The following LRP1B variants were observed in gnomAD, a reference collection of about 807,000 sequenced individuals.
The protein encoded by LRP1B is LDL receptor related protein 1B.
A neutral mutation model predicts 556.6 loss-of-function variants in LRP1B; 217 were observed. The ratio of observed to expected loss-of-function variants is 0.39; its 90% CI spans 0.35 to 0.44. The LOEUF is 0.44. Ranked by LOEUF, LRP1B falls within the 20% of genes least tolerant of loss-of-function variation. The pLI is 1.00. For missense variants in LRP1B, 5,053 were observed against 5,620.8 expected (o/e 0.90, Z 3.23); for synonymous variants, 2,047 against 1,865.8 (o/e 1.10, Z -2.50).
At chr2:140,342,447 T>G (rs1681443715) in intron 77 of LRP1B, among the ~76,000 whole-genome samples, 1 of 151,530 alleles carries the variant, frequency 6.6e-6, no homozygotes, top group African/African-American at 2.4e-5. Context: ...AATCTAGAAA[T>G]GCAATGCAAC....
At chr2:140,489,096 G>A (rs1004403983) in intron 57 of LRP1B, among the ~76,000 whole-genome samples, 3 of 151,996 alleles carry the variant, frequency 2.0e-5, no homozygotes, top group Admixed American at 6.6e-5. Context: ...GGTGTCCTAT[G>A]TATAGCAGCA....
chr2:140,266,317 C>T (rs13004107), intron 86 of LRP1B, among the ~76,000 whole-genome samples: 54,675 of 151,838 alleles, frequency 0.36, 11,394 homozygotes, highest in Non-Finnish European at 0.49. Flanking sequence ...CACTTGTCCT[C>T]TTTGAACTGT....
intron 66 of LRP1B, among the ~76,000 whole-genome samples, chr2:140,435,172 G>A (rs1239269968): frequency 6.6e-6 from 1 of 152,050 alleles, no homozygotes; most frequent in Non-Finnish European, 1.5e-5. Flanking sequence ...CTAAAACAAA[G>A]ACAAATATTT....
intron 1 of LRP1B, among the ~76,000 whole-genome samples, chr2:141,832,935 A>G (rs1295855801): frequency 6.6e-6 from 1 of 151,806 alleles, no homozygotes; most frequent in Admixed American, 6.6e-5. Flanking sequence ...TCATTATTTC[A>G]AAGTTCTACC....
chr2:140,984,459 T>G (rs556018984), intron 17 of LRP1B, among the ~76,000 whole-genome samples: 1 of 152,256 alleles, frequency 6.6e-6, no homozygotes, highest in South Asian at 2.1e-4. Context: ...AAGAATATAT[T>G]AAATTTATCA....
intron 2 of LRP1B, among the ~76,000 whole-genome samples, chr2:141,528,599 A>G (rs964774353): frequency 6.6e-6 from 1 of 152,138 alleles, no homozygotes; most frequent in African/African-American, 2.4e-5. Flanking sequence ...GTACACACAA[A>G]TATTTCAATA....
intron 84 of LRP1B, among the ~76,000 whole-genome samples, chr2:140,295,077 C>T (rs567602753): frequency 2.0e-4 from 31 of 151,780 alleles, no homozygotes; most frequent in South Asian, 8.4e-4. Context: ...GGCGTTTCAC[C>T]GTCTCTAGAC....
chr2:140,495,993 G>T (rs897591321), intron 55 of LRP1B, among the ~76,000 whole-genome samples: 3 of 152,130 alleles, frequency 2.0e-5, no homozygotes, highest in Non-Finnish European at 4.4e-5. Flanking sequence ...AATTGACATT[G>T]CTAAGGCCGT....
chr2:140,364,652 A>G lies in LRP1B; in HGVS notation c.11131+9T>C. 1 of 1,608,450 alleles carries G rather than the reference A, an allele frequency of 6.2e-7. No homozygotes were observed. Among genetic ancestry groups the G allele is most frequent in the Non-Finnish European group, 8.5e-7 (1 of 1,176,764 alleles). On this transcript the variant is annotated intron_variant, in intron 72 of 90. Transcript: ENST00000389484. Reference sequence around the variant, plus strand: ...AAAGTATAATCTAGAGCCACGTGAAATGCCATACCACACATATCAGGGGCT... The same window carrying G: ...AAAGTATAATCTAGAGCCACGTGAAGTGCCATACCACACATATCAGGGGCT...
At chr2:140,504,235 A>G (rs550652665) in intron 53 of LRP1B, among the ~76,000 whole-genome samples, 6 of 152,262 alleles carry the variant, frequency 3.9e-5, no homozygotes, top group East Asian at 1.9e-4. Flanking sequence ...GCTAAGTGTC[A>G]AATTCTGGAT....
At chr2:141,592,902 T>A (rs903601527) in intron 2 of LRP1B, among the ~76,000 whole-genome samples, 6 of 152,184 alleles carry the variant, frequency 3.9e-5, no homozygotes, top group Non-Finnish European at 1.5e-5. Context: ...AAGGTCATTT[T>A]ATTTTCACAA....
At chr2:140,347,249 A>C (rs1443701313) in intron 77 of LRP1B, among the ~76,000 whole-genome samples, 1 of 151,878 alleles carries the variant, frequency 6.6e-6, no homozygotes, top group African/African-American at 2.4e-5. Flanking sequence ...CCTTATGTAC[A>C]GATTAAATCA....
intron 7 of LRP1B, among the ~76,000 whole-genome samples, chr2:141,124,300 T>C (rs1455568602): frequency 6.6e-6 from 1 of 152,116 alleles, no homozygotes; most frequent in African/African-American, 2.4e-5. Flanking sequence ...CTTATTTCTT[T>C]TCTCCTCCTT....
chr2:140,323,063 TGAATAAACACCA>T (rs1680238611), intron 81 of LRP1B, among the ~76,000 whole-genome samples: 1 of 151,982 alleles, frequency 6.6e-6, no homozygotes, highest in South Asian at 2.1e-4. Context: ...AGAAGTGATT[TGAATAAACACCA>T]ACTGTTATCT....
At chr2:141,389,849 A>G (rs1689981623) in intron 3 of LRP1B, among the ~76,000 whole-genome samples, 1 of 152,204 alleles carries the variant, frequency 6.6e-6, no homozygotes, top group Non-Finnish European at 1.5e-5. Context: ...TTTAAAGTAG[A>G]TGAACACAGC....
chr2:141,161,830 G>A (rs1024053841), intron 7 of LRP1B, among the ~76,000 whole-genome samples: 1 of 152,006 alleles, frequency 6.6e-6, no homozygotes, highest in Non-Finnish European at 1.5e-5. Flanking sequence ...GCACCCACCT[G>A]TGTCTACCCC....
At chr2:140,827,198 G>A (rs1466181645) in intron 31 of LRP1B, among the ~76,000 whole-genome samples, 3 of 152,200 alleles carry the variant, frequency 2.0e-5, no homozygotes, top group South Asian at 2.1e-4. Context: ...GGCCTTCAAT[G>A]AAAAGCTATA....
intron 37 of LRP1B, among the ~76,000 whole-genome samples, chr2:140,703,514 A>G (rs1686720579): frequency 6.6e-6 from 1 of 152,180 alleles, no homozygotes; most frequent in Non-Finnish European, 1.5e-5. Context: ...TCCAACTATC[A>G]GACATCAGCA....
At chr2:141,978,128 A>T (rs12994929) in intron 1 of LRP1B, among the ~76,000 whole-genome samples, 13,854 of 152,196 alleles carry the variant, frequency 0.091, 819 homozygotes, top group South Asian at 0.16. Flanking sequence ...CAGTATTAAT[A>T]AGAACAAATT....
Sources: gnomAD v4.1 joint callset for allele counts (sites outside exome capture counted in the v4.1 genomes callset) on GRCh38, gnomAD v4.1.1 for gene constraint, MANE v1.5 for transcripts, NCBI Gene and HGNC (gene_info 2026-07-23, HGNC 2026-07-21) for gene names.